Variants in TAFA2 observed in about 807,000 individuals in gnomAD.
TAFA2 encodes TAFA chemokine like family member 2.
In TAFA2, 7 loss-of-function variants were observed where a neutral mutation model predicts 18.8. The observed-to-expected ratio is 0.37, with a 90% CI of 0.21 to 0.70. TAFA2 has a LOEUF of 0.70. Ranked by LOEUF, TAFA2 falls within the 30% of genes least tolerant of loss-of-function variation. The pLI is 0.53. For missense variants in TAFA2, 122 were observed against 158.1 expected (o/e 0.77, Z 1.23); for synonymous variants, 60 against 54.2 (o/e 1.11, Z -0.47).
At chr12:61,712,222 C>T (rs753971474) in intron 4 of TAFA2, among the ~76,000 whole-genome samples, 18 of 152,076 alleles carry the variant, frequency 1.2e-4, no homozygotes, top group Non-Finnish European at 2.5e-4. Context: ...GCAAGTGACA[C>T]GTCCTCTTGA....
At chr12:61,968,543 G>A (rs1309898166) in intron 1 of TAFA2, among the ~76,000 whole-genome samples, 2 of 151,740 alleles carry the variant, frequency 1.3e-5, no homozygotes, top group Non-Finnish European at 2.9e-5. Context: ...TTTTGGGCTT[G>A]TTGTGTTTGT....
At chr12:61,773,515 A>G (rs551876548) in intron 2 of TAFA2, among the ~76,000 whole-genome samples, 33 of 152,070 alleles carry the variant, frequency 2.2e-4, no homozygotes, top group Non-Finnish European at 3.8e-4. Flanking sequence ...AGGCACATAG[A>G]CCAATGGAAC....
At chr12:62,108,151 C>A (rs865875941) in intron 1 of TAFA2, among the ~76,000 whole-genome samples, 8 of 152,116 alleles carry the variant, frequency 5.3e-5, no homozygotes, top group South Asian at 4.1e-4. Context: ...CCCCACCCCC[C>A]AACAGGCCCC....
At chr12:62,136,345 C>A (rs1175427278) in intron 1 of TAFA2, among the ~76,000 whole-genome samples, 1 of 152,094 alleles carries the variant, frequency 6.6e-6, no homozygotes, top group Non-Finnish European at 1.5e-5. Context: ...TAGAATCATA[C>A]AACATGTGGC....
At chr12:61,715,780 G>A (rs1174627973) in intron 4 of TAFA2, among the ~76,000 whole-genome samples, 2 of 151,590 alleles carry the variant, frequency 1.3e-5, no homozygotes, top group Admixed American at 6.6e-5. Context: ...TTAGCCAGTC[G>A]TGATGGTGCA....
chr12:62,043,514 A>G (rs1881823460), intron 1 of TAFA2, among the ~76,000 whole-genome samples: 1 of 152,268 alleles, frequency 6.6e-6, no homozygotes, highest in Non-Finnish European at 1.5e-5. Flanking sequence ...CCTAATGTTA[A>G]ATGGCGAGTT....
chr12:61,798,944 C>G (rs1261748882), intron 2 of TAFA2, among the ~76,000 whole-genome samples: 1 of 152,204 alleles, frequency 6.6e-6, no homozygotes, highest in African/African-American at 2.4e-5. Context: ...TTTTCCTTCA[C>G]TGGGCCAAGT....
At chr12:61,887,799 G>A (rs1434330745) in intron 1 of TAFA2, among the ~76,000 whole-genome samples, 1 of 151,158 alleles carries the variant, frequency 6.6e-6, no homozygotes, top group African/African-American at 2.4e-5. Context: ...ATTCCATGGT[G>A]TATATGTGCC....
chr12:61,720,491 T>C (rs1378759712), intron 4 of TAFA2, among the ~76,000 whole-genome samples: 1 of 152,166 alleles, frequency 6.6e-6, no homozygotes, highest in Non-Finnish European at 1.5e-5. Flanking sequence ...GTTTAAAGAA[T>C]GATGCCTCTC....
chr12:61,854,427 G>T (rs1873803169), intron 2 of TAFA2, among the ~76,000 whole-genome samples: 1 of 152,064 alleles, frequency 6.6e-6, no homozygotes, highest in Admixed American at 6.6e-5. Flanking sequence ...GAGGGGGGAA[G>T]ATCCTCAAAT....
At chr12:61,847,944 T>G (rs543837241) in intron 2 of TAFA2, among the ~76,000 whole-genome samples, 65 of 152,374 alleles carry the variant, frequency 4.3e-4, no homozygotes, top group African/African-American at 1.5e-3. Flanking sequence ...TCTCTATTAG[T>G]GGGCTTGTCA....
chr12:62,137,378 A>G (rs1870939664), intron 1 of TAFA2, among the ~76,000 whole-genome samples: 1 of 152,162 alleles, frequency 6.6e-6, no homozygotes, highest in Non-Finnish European at 1.5e-5. Context: ...CCTGGGAGCT[A>G]GTTATTATTA....
intron 1 of TAFA2, 37 bp from the exon 2 acceptor site, chr12:61,867,463 A>G (rs114325167): frequency 7.9e-7 from 1 of 1,262,554 alleles, no homozygotes; most frequent in South Asian, 1.2e-5. Flanking sequence ...ATAAGTATGC[A>G]AATTCATAGC....
intron 2 of TAFA2, among the ~76,000 whole-genome samples, chr12:61,774,703 T>C (rs1870180317): frequency 6.6e-6 from 1 of 151,436 alleles, no homozygotes; most frequent in African/African-American, 2.4e-5. Flanking sequence ...TAAATGATTA[T>C]ATATTGGGTA....
At chr12:61,730,035 C>T (rs568258554) in intron 4 of TAFA2, among the ~76,000 whole-genome samples, 4 of 152,146 alleles carry the variant, frequency 2.6e-5, no homozygotes, top group South Asian at 2.1e-4. Context: ...CGCTCTGGAC[C>T]AGTATTGGAT....
At chr12:61,898,345 C>T (rs1875945666) in intron 1 of TAFA2, among the ~76,000 whole-genome samples, 1 of 152,248 alleles carries the variant, frequency 6.6e-6, no homozygotes, top group African/African-American at 2.4e-5. Flanking sequence ...CCAGTGGGGA[C>T]TCTGTGTAGG....
intron 1 of TAFA2, among the ~76,000 whole-genome samples, chr12:62,127,936 T>TA (rs1200559757): frequency 1.3e-5 from 2 of 151,988 alleles, no homozygotes; most frequent in East Asian, 3.9e-4. Context: ...TTAGTGTCTG[T>TA]AATTCACACT....
At chr12:62,134,590 C>G (rs916934953) in intron 1 of TAFA2, among the ~76,000 whole-genome samples, 1 of 151,940 alleles carries the variant, frequency 6.6e-6, no homozygotes, top group African/African-American at 2.4e-5. Context: ...AGAAAGACAA[C>G]TGATAGATAT....
intron 1 of TAFA2, among the ~76,000 whole-genome samples, chr12:62,038,318 A>G (rs1386849347): frequency 1.3e-5 from 2 of 152,230 alleles, no homozygotes; most frequent in Non-Finnish European, 2.9e-5. Flanking sequence ...CTATATGTAT[A>G]TTAAAATACC....
Sources: allele counts gnomAD v4.1 joint callset (sites outside exome capture counted in the v4.1 genomes callset), GRCh38; gene constraint gnomAD v4.1.1; transcripts MANE v1.5; gene names NCBI Gene and HGNC (gene_info 2026-07-23, HGNC 2026-07-21).